The following UBE2D2 variants were observed in gnomAD, a reference collection of about 807,000 sequenced individuals.
The protein encoded by UBE2D2 is ubiquitin conjugating enzyme E2 D2.
In UBE2D2, 2 loss-of-function variants were observed where a neutral mutation model predicts 24.2. The ratio of observed to expected loss-of-function variants is 0.08; its 90% CI spans 0.03 to 0.26. The LOEUF is 0.26. UBE2D2 is among the 10% of genes least tolerant of loss of function. The pLI, the probability that UBE2D2 is intolerant of heterozygous loss-of-function variation, is 1.00. For synonymous variants in UBE2D2, 58 were observed against 56.5 expected (o/e 1.03, Z -0.12); for missense variants, 44 against 177.6 (o/e 0.25, Z 4.28).
At chr5:139,532,981 G>C (rs1318923190) in intron 1 of UBE2D2, among the ~76,000 whole-genome samples, 1 of 151,764 alleles carries the variant, frequency 6.6e-6, no homozygotes, top group Non-Finnish European at 1.5e-5. Context: ...GGTGGCACTT[G>C]CCTGTTATCC....
chr5:139,604,118 TA>T (rs1217691344), intron 2 of UBE2D2, among the ~76,000 whole-genome samples: 1 of 151,836 alleles, frequency 6.6e-6, no homozygotes, highest in African/African-American at 2.4e-5. Context: ...ATAAGGGACA[TA>T]TATCCAGTAT....
At chr5:139,557,905 AT>A (rs1433340062), upstream of UBE2D2, among the ~76,000 whole-genome samples, 2 of 152,000 alleles carry the variant, frequency 1.3e-5, no homozygotes, top group East Asian at 1.9e-4. Context: ...GAGTCATATG[AT>A]TTTTTTTAAA....
At chr5:139,574,561 G>A (rs989922675) in intron 1 of UBE2D2, among the ~76,000 whole-genome samples, 25 of 152,072 alleles carry the variant, frequency 1.6e-4, no homozygotes, top group African/African-American at 5.8e-4. Flanking sequence ...CAGGCAGTCA[G>A]AGTTCAACTG....
intron 1 of UBE2D2, among the ~76,000 whole-genome samples, chr5:139,580,347 G>C (rs914003793): frequency 5.9e-5 from 9 of 152,240 alleles, no homozygotes; most frequent in Admixed American, 5.2e-4. Flanking sequence ...TTACAGTCGT[G>C]AGTCACCCTG....
At chr5:139,608,091 T>C (rs1754235267) in intron 2 of UBE2D2, among the ~76,000 whole-genome samples, 1 of 152,120 alleles carries the variant, frequency 6.6e-6, no homozygotes, top group Admixed American at 6.6e-5. Context: ...TATGAAAGAT[T>C]GCAATATTAG....
At chr5:139,591,785 T>C (rs1753850561) in intron 1 of UBE2D2, among the ~76,000 whole-genome samples, 1 of 152,314 alleles carries the variant, frequency 6.6e-6, no homozygotes, top group East Asian at 1.9e-4. Context: ...AGTGTTATGC[T>C]GGGAACATAA....
At chr5:139,620,967 G>T (rs908753139) in intron 5 of UBE2D2, among the ~76,000 whole-genome samples, 5 of 152,196 alleles carry the variant, frequency 3.3e-5, no homozygotes. Flanking sequence ...AGATATGGCC[G>T]GGTGTGGTAG....
chr5:139,587,116 AGT>A (rs1367446351), intron 1 of UBE2D2, among the ~76,000 whole-genome samples: 1 of 152,094 alleles, frequency 6.6e-6, no homozygotes, highest in African/African-American at 2.4e-5. Context: ...CCATGCTGTG[AGT>A]GTTATATCTC....
At position 139,561,644 on chromosome 5, in the gene UBE2D2, G is replaced by A; in HGVS notation, c.-148G>A. ...GGAGCTGAGTGGGCCCCGGCCCTCAGCCCGTCCCGCCGGACCCGCTTTCCT... is the reference window on the plus strand; with the variant it reads ...GGAGCTGAGTGGGCCCCGGCCCTCAACCCGTCCCGCCGGACCCGCTTTCCT... On this transcript the variant is annotated 5_prime_UTR_variant, in exon 1 of 7. Coordinates refer to ENST00000398733, the MANE Select transcript of UBE2D2 (RefSeq NM_003339.3). The A allele has an allele frequency of 1.8e-6, 1 of 560,144 alleles. No individual in the cohort carries two copies. The highest frequency in any genetic ancestry group is 2.9e-6 in the Non-Finnish European group (1 of 340,456). 34.7% of individuals were successfully genotyped at this position (560,144 alleles called of 1,614,324 possible). A position where few individuals can be genotyped will look rare whatever the true frequency, so the allele number is the denominator to read the frequency against.
At chr5:139,529,750 C>A (rs1023066856) in intron 1 of UBE2D2, among the ~76,000 whole-genome samples, 5 of 152,166 alleles carry the variant, frequency 3.3e-5, no homozygotes, top group East Asian at 1.9e-4. Flanking sequence ...GTATTTCAGA[C>A]CTTCTACCAG....
chr5:139,622,479 G>C (rs1002066989), intron 5 of UBE2D2, among the ~76,000 whole-genome samples: 2 of 150,928 alleles, frequency 1.3e-5, no homozygotes, highest in African/African-American at 4.9e-5. Flanking sequence ...TCTTGATCTC[G>C]TGATCCACCC....
chr5:139,544,607 C>CCACACA (rs111460156), intron 1 of UBE2D2, among the ~76,000 whole-genome samples: 2 of 145,464 alleles, frequency 1.4e-5, no homozygotes, highest in African/African-American at 2.5e-5. Flanking sequence ...TGCATTCTAA[C>CCACACA]CACACACACA....
rs113004641 is a variant in UBE2D2, at chr5:139,598,531, A to G, written c.25-1841A>G. The stretch of plus-strand genomic sequence containing the variant: ...GGTTGTAAAGCATTATTCCAGGTAG[A>G]CCAATCTCTGACTACAAAGCCTTTT... On this transcript the variant is annotated intron_variant, in intron 1 of 6. Transcript: ENST00000398733. 1.2e-4 allele frequency among the ~76,000 whole-genome samples: 18 copies of G among 147,528 alleles called. 2 individuals are homozygous for G. Among genetic ancestry groups the G allele is most frequent in the African/African-American group, 4.3e-4 (17 of 39,928 alleles).
chr5:139,542,936 G>A lies in UBE2D2; in HGVS notation c.-64+16324G>A, dbSNP rs577401181. ...TTCATTGAGACGGAGTCGCTCTGTC[G>A]TCCAGGATGGAGTGCAGTGGCCTGA... On this transcript the variant is annotated intron_variant, in intron 1 of 6. Coordinates refer to the UBE2D2 transcript ENST00000511725. Among the ~76,000 whole-genome samples the A allele has an allele frequency of 7.2e-5, 11 of 152,170 alleles. No individual in the cohort carries two copies. The South Asian group carries it at 1.7e-3, about 23-fold the overall frequency.
In UBE2D2 at chr5:139,627,112, G is replaced by A. The variant is rs1282288555; in HGVS notation, c.*311G>A. On this transcript the variant is annotated 3_prime_UTR_variant, in exon 7 of 7. Coordinates refer to ENST00000398733, the MANE Select transcript of UBE2D2 (RefSeq NM_003339.3). Reference sequence around the variant, plus strand: ...TTAAATTTGGATAACAGCAAGGTGTGAGGGGGGTGGTGGGTATGGTGTGTG... The same window carrying A: ...TTAAATTTGGATAACAGCAAGGTGTAAGGGGGGTGGTGGGTATGGTGTGTG... 1 of 292,152 alleles carries A rather than the reference G, an allele frequency of 3.4e-6. No homozygotes were observed. Among genetic ancestry groups the A allele is most frequent in the Non-Finnish European group, 6.5e-6 (1 of 154,718 alleles). The allele number at this position is 292,152 out of a possible 1,614,324, so 18.1% of individuals were successfully genotyped here.
At chr5:139,592,706 G>C (rs925366085) in intron 1 of UBE2D2, among the ~76,000 whole-genome samples, 11 of 147,054 alleles carry the variant, frequency 7.5e-5, no homozygotes, top group African/African-American at 2.8e-4. Context: ...GGGTTTAAGC[G>C]ATTCTCCTGC....
intron 1 of UBE2D2, among the ~76,000 whole-genome samples, chr5:139,576,265 G>T (rs1442409642): frequency 1.3e-5 from 2 of 152,176 alleles, no homozygotes; most frequent in Non-Finnish European, 2.9e-5. Context: ...TCTAAAGTCA[G>T]TCTGTCTTCA....
At chr5:139,583,767 A>G (rs1471930605) in intron 1 of UBE2D2, among the ~76,000 whole-genome samples, 1 of 152,166 alleles carries the variant, frequency 6.6e-6, no homozygotes, top group Admixed American at 6.6e-5. Flanking sequence ...ATCTCGAAAG[A>G]AAAAGAAGTT....
At chr5:139,596,273 G>A (rs907541283) in intron 1 of UBE2D2, among the ~76,000 whole-genome samples, 1 of 150,552 alleles carries the variant, frequency 6.6e-6, no homozygotes, top group Admixed American at 6.6e-5. Context: ...AAAAAGATCT[G>A]TTTCTGAATC....
Sources: gnomAD v4.1 joint callset for allele counts (sites outside exome capture counted in the v4.1 genomes callset) on GRCh38, gnomAD v4.1.1 for gene constraint, MANE v1.5 for transcripts, NCBI Gene and HGNC (gene_info 2026-07-23, HGNC 2026-07-21) for gene names.